AGBL1: variants seen among roughly 807,000 people sequenced by gnomAD.
The protein encoded by AGBL1 is AGBL carboxypeptidase 1, also known as cytosolic carboxypeptidase 4.
In AGBL1, 130 loss-of-function variants were observed where a neutral mutation model predicts 118.9. The observed-to-expected ratio is 1.09, with a 90% CI of 0.95 to 1.26. The LOEUF is 1.26. Ranked by LOEUF, AGBL1 falls within the 50% of genes most tolerant of loss-of-function variation. AGBL1 has a pLI of 0.00. For synonymous variants in AGBL1, 555 were observed against 478.9 expected (o/e 1.16, Z -2.08); for missense variants, 1,584 against 1,298.1 (o/e 1.22, Z -3.38).
Position 86,510,695 on chromosome 15 carries a change from C to T in AGBL1, c.2556-12115C>T, listed in dbSNP as rs573628895. 3.9e-5 allele frequency among the ~76,000 whole-genome samples: 6 copies of T among 152,222 alleles called. No individual in the cohort carries two copies. In the South Asian group the frequency reaches 1.0e-3, roughly 26 times the overall value. On this transcript the variant is annotated intron_variant, in intron 18 of 22. Transcript: ENST00000614907. ...GTGACTTTTAATCCAAAGCAGACTACAGCAGCCTAGAGGAAGCCCCAGCTG... is the reference window on the plus strand; with the variant it reads ...GTGACTTTTAATCCAAAGCAGACTATAGCAGCCTAGAGGAAGCCCCAGCTG...
intron 18 of AGBL1, among the ~76,000 whole-genome samples, chr15:86,504,157 C>T (rs1235614016): frequency 6.6e-6 from 1 of 151,606 alleles, no homozygotes; most frequent in East Asian, 1.9e-4. Flanking sequence ...AACCCTTTAT[C>T]ATTATTTAAT....
chr15:86,234,425 C>T lies in AGBL1; in HGVS notation c.526+9474C>T, dbSNP rs183897170. Among the ~76,000 whole-genome samples the T allele has an allele frequency of 4.6e-5, 7 of 152,070 alleles. No homozygotes were observed. The East Asian group carries it at 9.7e-4, about 21-fold the overall frequency. On this transcript the variant is annotated intron_variant, in intron 6 of 22. Transcript: ENST00000614907. ...AATTAGCTGTGCGTGATGGCATGCA[C>T]TTGTAGTCCCAGCTATTTGGGAGGC...
intron 22 of AGBL1, among the ~76,000 whole-genome samples, chr15:86,767,198 G>C (rs1474013592): frequency 6.6e-6 from 1 of 151,888 alleles, no homozygotes; most frequent in Non-Finnish European, 1.5e-5. Flanking sequence ...GCTCAGAGGT[G>C]AACCCTGAGA....
intron 1 of AGBL1, among the ~76,000 whole-genome samples, chr15:86,112,171 C>T (rs773407390): frequency 3.3e-5 from 5 of 151,932 alleles, no homozygotes; most frequent in Non-Finnish European, 5.9e-5. Context: ...ATGTAATGTA[C>T]TTCAATCAAC....
At chr15:86,700,519 T>C (rs2086340009) in intron 22 of AGBL1, among the ~76,000 whole-genome samples, 1 of 149,876 alleles carries the variant, frequency 6.7e-6, no homozygotes, top group Non-Finnish European at 1.5e-5. Context: ...ACAAAATCTC[T>C]CTTGAAGTGG....
intron 22 of AGBL1, among the ~76,000 whole-genome samples, chr15:86,839,357 T>A (rs915586408): frequency 6.6e-6 from 1 of 152,188 alleles, no homozygotes. Context: ...TTTCATCAAA[T>A]CCTATTCTTA....
chr15:86,449,904 A>G (rs2082171976), intron 18 of AGBL1, among the ~76,000 whole-genome samples: 1 of 151,904 alleles, frequency 6.6e-6, no homozygotes, highest in African/African-American at 2.4e-5. Context: ...TAGGCAGAGA[A>G]ATAAGCTGCA....
chr15:86,472,387 A>G (rs1047582927), intron 18 of AGBL1, among the ~76,000 whole-genome samples: 1 of 152,156 alleles, frequency 6.6e-6, no homozygotes, highest in Non-Finnish European at 1.5e-5. Flanking sequence ...CTGATTGGCC[A>G]GTGAATTGAC....
At chr15:86,700,504 C>CACACACAG (rs1567129115) in intron 22 of AGBL1, among the ~76,000 whole-genome samples, 1 of 122,824 alleles carries the variant, frequency 8.1e-6, no homozygotes, top group African/African-American at 3.4e-5. Flanking sequence ...CACACACACA[C>CACACACAG]ACACACAAAA....
chr15:86,482,351 TGGAG>T (rs2082662825), intron 18 of AGBL1, among the ~76,000 whole-genome samples: 1 of 152,138 alleles, frequency 6.6e-6, no homozygotes, highest in African/African-American at 2.4e-5. Context: ...GCCCAGAGCA[TGGAG>T]ATGGATGGCC....
chr15:86,586,792 C>T (rs980979042), intron 21 of AGBL1, among the ~76,000 whole-genome samples: 25 of 152,000 alleles, frequency 1.6e-4, no homozygotes, highest in African/African-American at 6.0e-4. Context: ...ATTTATTTGG[C>T]ACTTGGTTGA....
chr15:86,924,983 T>A (rs1463980475), intron 23 of AGBL1, among the ~76,000 whole-genome samples: 1 of 151,566 alleles, frequency 6.6e-6, no homozygotes, highest in East Asian at 1.9e-4. Context: ...GCACCTGTAG[T>A]CCCAGCTAAT....
chr15:86,683,363 C>A (rs971580226), intron 22 of AGBL1, among the ~76,000 whole-genome samples: 1 of 152,050 alleles, frequency 6.6e-6, no homozygotes, highest in Non-Finnish European at 1.5e-5. Context: ...TGTGTTGTAA[C>A]CCATGGTGAA....
intron 22 of AGBL1, among the ~76,000 whole-genome samples, chr15:86,905,711 T>C (rs545401317): frequency 6.6e-6 from 1 of 152,316 alleles, no homozygotes; most frequent in South Asian, 2.1e-4. Context: ...AATATTTAAA[T>C]ACAGGCTTTT....
At chr15:87,009,435 C>T (rs2081536105) in intron 24 of AGBL1, among the ~76,000 whole-genome samples, 1 of 152,198 alleles carries the variant, frequency 6.6e-6, no homozygotes, top group Admixed American at 6.5e-5. Flanking sequence ...GATGCCCAGG[C>T]AGAAGTTTGC....
At chr15:86,223,757 G>C (rs1203196128) in intron 5 of AGBL1, among the ~76,000 whole-genome samples, 6 of 152,096 alleles carry the variant, frequency 3.9e-5, no homozygotes, top group African/African-American at 1.4e-4. Flanking sequence ...CTGCCTTGTA[G>C]GTTATGGGGA....
intron 16 of AGBL1, among the ~76,000 whole-genome samples, chr15:86,294,554 T>A (rs2079602263): frequency 6.6e-6 from 1 of 152,066 alleles, no homozygotes; most frequent in Non-Finnish European, 1.5e-5. Flanking sequence ...GCAGTCCCCC[T>A]GGATTAACCA....
chr15:86,515,942 CA>C (rs1304952755), intron 18 of AGBL1, among the ~76,000 whole-genome samples: 7 of 152,268 alleles, frequency 4.6e-5, no homozygotes, highest in African/African-American at 1.4e-4. Flanking sequence ...CATGAGATAG[CA>C]ATTAATATGT....
intron 21 of AGBL1, among the ~76,000 whole-genome samples, chr15:86,597,456 C>T (rs951156283): frequency 2.6e-5 from 4 of 152,106 alleles, no homozygotes; most frequent in African/African-American, 4.8e-5. Flanking sequence ...TTCTGCAAAT[C>T]AGGGCTTTTC....
Sources: allele counts gnomAD v4.1 joint callset (sites outside exome capture counted in the v4.1 genomes callset), GRCh38; gene constraint gnomAD v4.1.1; transcripts MANE v1.5; gene names NCBI Gene and HGNC (gene_info 2026-07-23, HGNC 2026-07-21).